KHDRBS3: variants seen among roughly 807,000 people sequenced by gnomAD.
The protein encoded by KHDRBS3 is KH RNA binding domain containing, signal transduction associated 3.
In KHDRBS3, 23 loss-of-function variants were observed where a neutral mutation model predicts 45.6. The ratio of observed to expected loss-of-function variants is 0.50; its 90% CI spans 0.36 to 0.72. The LOEUF is 0.72. KHDRBS3 is among the 30% of genes least tolerant of loss of function. The pLI, the probability that KHDRBS3 is intolerant of heterozygous loss-of-function variation, is 0.00. For synonymous variants in KHDRBS3, 162 were observed against 156.5 expected (o/e 1.04, Z -0.26); for missense variants, 352 against 424.8 (o/e 0.83, Z 1.51).
chr8:135,532,563 A>G (rs1825533042), intron 2 of KHDRBS3, among the ~76,000 whole-genome samples: 1 of 152,150 alleles, frequency 6.6e-6, no homozygotes, highest in African/African-American at 2.4e-5. Flanking sequence ...GTGTGTGTAC[A>G]CACACGGAGT....
At chr8:135,496,393 C>T (rs752220073) in intron 1 of KHDRBS3, among the ~76,000 whole-genome samples, 3 of 151,794 alleles carry the variant, frequency 2.0e-5, no homozygotes, top group Non-Finnish European at 2.9e-5. Context: ...CCATGTCACC[C>T]GGCTAATTTT....
chr8:135,524,972 C>T (rs2130675722), intron 2 of KHDRBS3, among the ~76,000 whole-genome samples: 1 of 152,174 alleles, frequency 6.6e-6, no homozygotes, highest in South Asian at 2.1e-4. Flanking sequence ...CCTTGAACAT[C>T]TCTGTCTACT....
intron 6 of KHDRBS3, among the ~76,000 whole-genome samples, chr8:135,600,086 T>A (rs886981430): frequency 1.3e-5 from 2 of 151,504 alleles, no homozygotes; most frequent in Non-Finnish European, 2.9e-5. Context: ...CAGGCAGCAG[T>A]GGCAGGCACC....
chr8:135,566,744 T>C (rs1827438403), intron 5 of KHDRBS3, among the ~76,000 whole-genome samples: 1 of 152,120 alleles, frequency 6.6e-6, no homozygotes, highest in Non-Finnish European at 1.5e-5. Flanking sequence ...CACATGCCTA[T>C]AGTCACAGCT....
At chr8:135,516,220 G>C (rs971099233) in intron 1 of KHDRBS3, among the ~76,000 whole-genome samples, 1 of 152,226 alleles carries the variant, frequency 6.6e-6, no homozygotes, top group African/African-American at 2.4e-5. Context: ...TGGAATACTT[G>C]CATAGGACAC....
intron 2 of KHDRBS3, among the ~76,000 whole-genome samples, chr8:135,527,629 C>T (rs1480612651): frequency 1.3e-5 from 2 of 152,196 alleles, no homozygotes; most frequent in Admixed American, 6.5e-5. Context: ...GAGGGAATGC[C>T]ACATGCATAG....
At chr8:135,614,150 G>A (rs1468368985) in intron 7 of KHDRBS3, among the ~76,000 whole-genome samples, 2 of 151,816 alleles carry the variant, frequency 1.3e-5, no homozygotes, top group Admixed American at 6.6e-5. Context: ...TTTTGACACA[G>A]TTACTATGAA....
At chr8:135,645,704 C>G (rs932541668) in intron 8 of KHDRBS3, among the ~76,000 whole-genome samples, 3 of 152,206 alleles carry the variant, frequency 2.0e-5, no homozygotes, top group African/African-American at 7.2e-5. Flanking sequence ...CAAAGTCTCA[C>G]TATGCAGAAC....
At chr8:135,649,459 G>A (rs1436551482), downstream of KHDRBS3, among the ~76,000 whole-genome samples, 1 of 152,192 alleles carries the variant, frequency 6.6e-6, no homozygotes, top group African/African-American at 2.4e-5. Flanking sequence ...TAATATATAT[G>A]AAAAATATGT....
Position 135,539,910 on chromosome 8 carries a change from C to G in KHDRBS3, c.208-2744C>G, listed in dbSNP as rs189310350. On this transcript the variant is annotated intron_variant, in intron 2 of 8. Coordinates refer to ENST00000355849, the MANE Select transcript of KHDRBS3 (RefSeq NM_006558.3). The stretch of plus-strand genomic sequence containing the variant: ...TATAAAAGTCAATAAAATGCTTTTT[C>G]TTTTTACCTGGAATGCTGTCAAGTG... 6 of 152,206 alleles carry G rather than the reference C, an allele frequency of 3.9e-5. No homozygotes were observed. In the East Asian group the frequency reaches 1.2e-3, roughly 29 times the overall value. 9.4% of individuals were successfully genotyped at this position (152,206 alleles called of 1,614,324 possible). A position where few individuals can be genotyped will look rare whatever the true frequency, so the allele number is the denominator to read the frequency against.
chr8:135,573,232 C>T (rs751136331), intron 5 of KHDRBS3, among the ~76,000 whole-genome samples: 28 of 152,166 alleles, frequency 1.8e-4, no homozygotes, highest in Non-Finnish European at 5.9e-5. Flanking sequence ...GGGCATCTAC[C>T]ACTGAATTCA....
In KHDRBS3 at chr8:135,596,075, A is replaced by G. The variant is rs1023221497; in HGVS notation, c.808-10880A>G. Among the ~76,000 whole-genome samples the G allele has an allele frequency of 3.9e-5, 6 of 152,242 alleles. No individual in the cohort carries two copies. In the East Asian group the frequency reaches 9.7e-4, roughly 25 times the overall value. On this transcript the variant is annotated intron_variant, in intron 6 of 8. Transcript: ENST00000355849. ...TGGGGGAAAATGAAAATGAAAGGCA[A>G]TTTTCCTCTGAATCACAGAGAATGA... is the stretch of plus-strand genomic sequence containing the variant.
At chr8:135,468,065 C>T (rs778505563) in intron 1 of KHDRBS3, among the ~76,000 whole-genome samples, 7 of 152,222 alleles carry the variant, frequency 4.6e-5, no homozygotes, top group Non-Finnish European at 1.0e-4. Flanking sequence ...GTTATTCAGT[C>T]GTATCTGTCT....
At chr8:135,478,698 G>A (rs1822417541) in intron 1 of KHDRBS3, among the ~76,000 whole-genome samples, 1 of 152,138 alleles carries the variant, frequency 6.6e-6, no homozygotes, top group Admixed American at 6.5e-5. Context: ...TCAAAAATAT[G>A]TGGAAATTAA....
intron 2 of KHDRBS3, among the ~76,000 whole-genome samples, chr8:135,528,908 A>G (rs910737977): frequency 1.6e-4 from 25 of 152,252 alleles, no homozygotes; most frequent in African/African-American, 4.6e-4. Context: ...CCCACCTCTT[A>G]ATTACCCCCA....
intron 1 of KHDRBS3, among the ~76,000 whole-genome samples, chr8:135,478,689 C>A (rs1234949494): frequency 6.6e-6 from 1 of 151,912 alleles, no homozygotes; most frequent in African/African-American, 2.4e-5. Flanking sequence ...TTGGGAAATT[C>A]AAAAATATGT....
chr8:135,568,671 A>G (rs1458070192), intron 5 of KHDRBS3, among the ~76,000 whole-genome samples: 2 of 152,244 alleles, frequency 1.3e-5, no homozygotes, highest in Non-Finnish European at 2.9e-5. Context: ...AAGTCCAAAT[A>G]TAAAGATTTG....
At chr8:135,466,747 G>A (rs1563697386) in intron 1 of KHDRBS3, among the ~76,000 whole-genome samples, 1 of 152,192 alleles carries the variant, frequency 6.6e-6, no homozygotes, top group Non-Finnish European at 1.5e-5. Context: ...GACAAAGCCA[G>A]GCTTCCTGTT....
intron 1 of KHDRBS3, among the ~76,000 whole-genome samples, chr8:135,489,485 C>T (rs1823030174): frequency 6.6e-6 from 1 of 152,160 alleles, no homozygotes; most frequent in Non-Finnish European, 1.5e-5. Flanking sequence ...CGAGACCTTC[C>T]TGGCCAATAT....
Sources: gnomAD v4.1 joint callset for allele counts (sites outside exome capture counted in the v4.1 genomes callset) on GRCh38, gnomAD v4.1.1 for gene constraint, MANE v1.5 for transcripts, NCBI Gene and HGNC (gene_info 2026-07-23, HGNC 2026-07-21) for gene names.